Variants in CUL3 observed in about 807,000 individuals in gnomAD.
CUL3 encodes cullin 3.
A neutral mutation model predicts 89.1 loss-of-function variants in CUL3; 19 were observed. The ratio of observed to expected loss-of-function variants is 0.21; its 90% CI spans 0.15 to 0.31. The LOEUF (loss-of-function observed/expected upper bound fraction) is 0.31, where lower values mean the gene tolerates loss of function less well. Among genes scored for constraint, CUL3 ranks in the 10% least tolerant of loss-of-function variants. The probability of loss-of-function intolerance (pLI) is 1.00; values close to 1 mark genes in which losing one functional copy is unlikely to be tolerated. For missense variants in CUL3, 469 were observed against 942.3 expected (o/e 0.50, Z 6.58); for synonymous variants, 351 against 308.4 (o/e 1.14, Z -1.45).
chr2:224,506,334 A>G (rs1692599336), intron 7 of CUL3, among the ~76,000 whole-genome samples: 1 of 152,164 alleles, frequency 6.6e-6, no homozygotes, highest in Admixed American at 6.5e-5. Context: ...TAACTTCCAT[A>G]TATGTATTAA....
intron 1 of CUL3, among the ~76,000 whole-genome samples, chr2:224,573,605 G>C (rs1464057340): frequency 6.6e-6 from 1 of 152,162 alleles, no homozygotes; most frequent in Non-Finnish European, 1.5e-5. Context: ...AAAGAGAGTA[G>C]TGCATTGTAT....
chr2:224,510,609 A>G (rs1476692062), intron 6 of CUL3, among the ~76,000 whole-genome samples: 1 of 152,144 alleles, frequency 6.6e-6, no homozygotes, highest in Non-Finnish European at 1.5e-5. Flanking sequence ...CATGTTTTTT[A>G]TTTCCTAATA....
intron 4 of CUL3, 113 bp downstream of exon 4, chr2:224,514,499 C>CA: frequency 1.2e-6 from 1 of 858,266 alleles, no homozygotes; most frequent in African/African-American, 1.7e-5. Flanking sequence ...AGGATTTTCC[C>CA]AATGTGCTCA....
chr2:224,499,167 T>G (rs1424428230), intron 11 of CUL3, among the ~76,000 whole-genome samples: 1 of 152,190 alleles, frequency 6.6e-6, no homozygotes, highest in Non-Finnish European at 1.5e-5. Flanking sequence ...AATCACAAAC[T>G]CCACAGAAAT....
intron 14 of CUL3, among the ~76,000 whole-genome samples, chr2:224,481,226 T>C (rs1376021913): frequency 6.6e-6 from 1 of 152,086 alleles, no homozygotes; most frequent in East Asian, 1.9e-4. Flanking sequence ...ATATTAGTAC[T>C]AGGAAGCCTA....
At chr2:224,480,432 T>A (rs1405533912) in intron 14 of CUL3, among the ~76,000 whole-genome samples, 1 of 152,202 alleles carries the variant, frequency 6.6e-6, no homozygotes, top group African/African-American at 2.4e-5. Flanking sequence ...CTTTGTAGAA[T>A]TTTATTGCTG....
chr2:224,490,493 G>A (rs866335647), intron 13 of CUL3, among the ~76,000 whole-genome samples: 3 of 151,698 alleles, frequency 2.0e-5, no homozygotes, highest in South Asian at 2.1e-4. Context: ...ACCGGTTTCC[G>A]CGTCTTGGTG....
chr2:224,551,294 C>A (rs1001020067), intron 2 of CUL3, among the ~76,000 whole-genome samples: 1 of 151,688 alleles, frequency 6.6e-6, no homozygotes, highest in African/African-American at 2.4e-5. Flanking sequence ...CAAGCTCTGC[C>A]TCCTGGGTTC....
intron 1 of CUL3, chr2:224,569,678 T>A: frequency 8.6e-7 from 1 of 1,168,004 alleles, no homozygotes; most frequent in Non-Finnish European, 1.1e-6. Context: ...GTCAGTCTAT[T>A]ATATACTTAC....
rs566891638 is a variant in CUL3, at chr2:224,511,568, T to C, written c.669A>G (p.Lys223=). Residue 223 remains lysine (K), a synonymous_variant, in exon 6 of 16, where the codon AAA becomes AAG. Transcript: ENST00000264414. Reference sequence around the variant, plus strand: ...CTGAAGCACTATTTTCTGCTAAAAATTTCTGGCTTTCCATCTGCCATTTAA... The same window carrying C: ...CTGAAGCACTATTTTCTGCTAAAAACTTCTGGCTTTCCATCTGCCATTTAA... ...SAEFFQMESQ[K]FLAENSASVY... 1.2e-5 allele frequency: 19 copies of C among 1,570,156 alleles called. No homozygotes were observed. Among genetic ancestry groups the C allele is most frequent in the Middle Eastern group, 1.7e-4 (1 of 5,900 alleles).
rs114115646 is a variant in CUL3, at chr2:224,520,962, A to T, written c.379-6190T>A. ...TTCCTATTGAAGCTAAACCTATGCAAAGTCAAGGGGTGTCTCTTAAAGTGC... is the reference window on the plus strand; with the variant it reads ...TTCCTATTGAAGCTAAACCTATGCATAGTCAAGGGGTGTCTCTTAAAGTGC... On this transcript the variant is annotated intron_variant, in intron 3 of 15. Transcript: ENST00000264414. 2.7e-3 allele frequency among the ~76,000 whole-genome samples: 404 copies of T among 152,342 alleles called. 1 individual carries two copies. The highest frequency in any genetic ancestry group is 0.01 in the Middle Eastern group (3 of 294).
At chr2:224,529,131 G>A (rs912811928) in intron 3 of CUL3, among the ~76,000 whole-genome samples, 1 of 151,936 alleles carries the variant, frequency 6.6e-6, no homozygotes, top group African/African-American at 2.4e-5. Context: ...AGAGAAAAAT[G>A]AACCAAATAT....
At position 224,513,568 on chromosome 2, in the gene CUL3, C is replaced by G. The variant is rs1411316058; in HGVS notation, c.610G>C (p.Asp204His). ...ATTTCCAAAAAAGGAGCCTCAAAAT[C>G]TTCTTCATAGACTGATCTTCCTTCG... is the stretch of plus-strand genomic sequence containing the variant. ...GLEGRSVYEE[D>H]FEAPFLEMSA... The change falls in exon 5 of 16, where the codon GAT (aspartate) becomes CAT (histidine). Residue 204 changes from aspartate to histidine, a missense_variant. By Grantham distance (81) the Asp-to-His change is moderately conservative (BLOSUM62 -1). This residue lies in a region of CUL3 where 370 missense variants were observed against 733.2 expected (regional missense o/e 0.50). Coordinates refer to ENST00000264414, the MANE Select transcript of CUL3 (RefSeq NM_003590.5). 1 of 1,600,884 alleles carries G rather than the reference C, an allele frequency of 6.2e-7. No individual in the cohort carries two copies. The highest frequency in any genetic ancestry group is 8.5e-7 in the Non-Finnish European group (1 of 1,176,780).
At chr2:224,565,513 T>C (rs1413709652) in intron 1 of CUL3, among the ~76,000 whole-genome samples, 1 of 152,218 alleles carries the variant, frequency 6.6e-6, no homozygotes, top group African/African-American at 2.4e-5. Context: ...TCTAAAAATG[T>C]TTCTATCTGT....
Position 224,551,109 on chromosome 2 carries a change from T to C in CUL3, c.264+6550A>G, listed in dbSNP as rs371614889. Reference sequence around the variant, plus strand: ...AATCGCTCTGTTGCCCAGGCTGCAGTGCAGTAGTTCAGTAACAGCTCACTG... The same window carrying C: ...AATCGCTCTGTTGCCCAGGCTGCAGCGCAGTAGTTCAGTAACAGCTCACTG... On this transcript the variant is annotated intron_variant, in intron 2 of 15. Transcript: ENST00000264414. Among the ~76,000 whole-genome samples, 147 of 151,668 alleles carry C rather than the reference T, an allele frequency of 9.7e-4. 6 individuals carry two copies. The East Asian group carries it at 0.022, about 23-fold the overall frequency.
Position 224,526,312 on chromosome 2 carries a change from G to A in CUL3, c.378+9216C>T, listed in dbSNP as rs1217559736. On this transcript the variant is annotated intron_variant, in intron 3 of 15. Coordinates refer to ENST00000264414, the MANE Select transcript of CUL3 (RefSeq NM_003590.5). Reference sequence around the variant, plus strand: ...GATGTGATGTATTTCCGGGCTGGGCGCTGTGGCTCATGCCTGTAATTCCAG... The same window carrying A: ...GATGTGATGTATTTCCGGGCTGGGCACTGTGGCTCATGCCTGTAATTCCAG... Among the ~76,000 whole-genome samples, 7 of 152,126 alleles carry A rather than the reference G, an allele frequency of 4.6e-5. No individual in the cohort carries two copies. The East Asian group carries it at 1.2e-3, about 25-fold the overall frequency.
chr2:224,499,370 A>G (rs561447607), intron 11 of CUL3: 11 of 236,014 alleles, frequency 4.7e-5, no homozygotes, highest in African/African-American at 2.5e-4. Flanking sequence ...GACAATTACT[A>G]GAATCATTAA....
intron 1 of CUL3, among the ~76,000 whole-genome samples, chr2:224,583,322 T>C (rs1372791500): frequency 6.6e-6 from 1 of 152,144 alleles, no homozygotes; most frequent in African/African-American, 2.4e-5. Context: ...GATCACGCCA[T>C]TGTACTCCAG....
At chr2:224,557,883 C>CA (rs748754000) in intron 1 of CUL3, 27 bp from the exon 2 acceptor site, 8,352 of 111,932 alleles carry the variant, frequency 0.075, 607 homozygotes, top group African/African-American at 0.19. Flanking sequence ...AGAGAAGAGA[C>CA]AAAAAAAAAA....
Sources: allele counts gnomAD v4.1 joint callset (sites outside exome capture counted in the v4.1 genomes callset), GRCh38; gene constraint gnomAD v4.1.1; regional missense constraint gnomAD v4.1.1; transcripts MANE v1.5; gene names NCBI Gene and HGNC (gene_info 2026-07-23, HGNC 2026-07-21).